Variants in NKAIN2 observed in about 807,000 individuals in gnomAD.
NKAIN2 encodes sodium/potassium-transporting ATPase subunit beta-1-interacting protein 2.
Under a neutral mutation model 32.6 loss-of-function variants are expected in NKAIN2, and 14 were observed. That is an observed-to-expected ratio of 0.43 (90% confidence interval 0.28 to 0.67). The LOEUF is 0.67. Among genes scored for constraint, NKAIN2 ranks in the 30% least tolerant of loss-of-function variants. The pLI, the probability that NKAIN2 is intolerant of heterozygous loss-of-function variation, is 0.17. For missense variants in NKAIN2, 198 were observed against 258.3 expected (o/e 0.77, Z 1.60); for synonymous variants, 80 against 87.2 (o/e 0.92, Z 0.46).
intron 1 of NKAIN2, among the ~76,000 whole-genome samples, chr6:124,051,349 A>G (rs1266106398): frequency 6.6e-6 from 1 of 152,088 alleles, no homozygotes; most frequent in Non-Finnish European, 1.5e-5. Flanking sequence ...TTCAGAAAGA[A>G]CAATTTTTTA....
At chr6:124,549,663 G>A (rs1482914632) in intron 3 of NKAIN2, among the ~76,000 whole-genome samples, 2 of 152,164 alleles carry the variant, frequency 1.3e-5, no homozygotes, top group East Asian at 3.9e-4. Context: ...ATCTGAGACA[G>A]GTTTTCAGTC....
chr6:124,822,070 A>T (rs1456366489), intron 6 of NKAIN2, among the ~76,000 whole-genome samples: 1 of 152,182 alleles, frequency 6.6e-6, no homozygotes, highest in African/African-American at 2.4e-5. Context: ...CCACATTTCC[A>T]TACATGGCTG....
rs149578504 is a variant in NKAIN2 at position 124,627,918 on chromosome 6, G to A, written c.274-30268G>A. 1.5e-3 allele frequency among the ~76,000 whole-genome samples: 229 copies of A among 152,072 alleles called. 1 individual carries two copies. Among genetic ancestry groups the A allele is most frequent in the African/African-American group, 5.3e-3 (218 of 41,490 alleles). On this transcript the variant is annotated intron_variant, in intron 3 of 6. Transcript: ENST00000368417. ...TTCACATACTCACATACACTCTCAT[G>A]TACACTCATCTGTTCACACACATTC...
chr6:123,895,184 G>A (rs1774215566), intron 1 of NKAIN2, among the ~76,000 whole-genome samples: 1 of 149,342 alleles, frequency 6.7e-6, no homozygotes. Flanking sequence ...GTCTCTCTCT[G>A]TCTCTCTCAC....
At chr6:124,406,286 C>G (rs143329159) in intron 3 of NKAIN2, among the ~76,000 whole-genome samples, 1 of 152,010 alleles carries the variant, frequency 6.6e-6, no homozygotes, top group Non-Finnish European at 1.5e-5. Context: ...TTATTTCTTT[C>G]TCTATAAACT....
At chr6:124,571,458 G>T (rs2086233) in intron 3 of NKAIN2, among the ~76,000 whole-genome samples, 1 of 152,112 alleles carries the variant, frequency 6.6e-6, no homozygotes, top group Non-Finnish European at 1.5e-5. Flanking sequence ...GAATCATGGC[G>T]GCCTGTCTGT....
At chr6:123,893,812 G>T (rs747356359) in intron 1 of NKAIN2, among the ~76,000 whole-genome samples, 4 of 152,172 alleles carry the variant, frequency 2.6e-5, no homozygotes, top group Non-Finnish European at 2.9e-5. Context: ...AAGATGTCTG[G>T]CAGGGATTAT....
intron 1 of NKAIN2, among the ~76,000 whole-genome samples, chr6:124,242,987 T>A (rs1018132044): frequency 6.6e-6 from 1 of 151,096 alleles, no homozygotes; most frequent in African/African-American, 2.4e-5. Flanking sequence ...TGTACACCTG[T>A]GTAACATACC....
intron 3 of NKAIN2, among the ~76,000 whole-genome samples, chr6:124,472,590 C>T (rs1332941786): frequency 6.6e-6 from 1 of 151,816 alleles, no homozygotes; most frequent in Admixed American, 6.6e-5. Flanking sequence ...CATGCAGACA[C>T]AGAATGGGTT....
chr6:124,221,570 A>G (rs958640394), intron 1 of NKAIN2, among the ~76,000 whole-genome samples: 7 of 152,056 alleles, frequency 4.6e-5, no homozygotes, highest in East Asian at 1.9e-4. Flanking sequence ...AAGAGAGAGA[A>G]AAAAAAGAAA....
At chr6:124,749,393 G>A (rs1301498242) in intron 4 of NKAIN2, among the ~76,000 whole-genome samples, 7 of 152,030 alleles carry the variant, frequency 4.6e-5, no homozygotes, top group South Asian at 4.1e-4. Flanking sequence ...CAGGTTCGCA[G>A]GTTATAGGGA....
chr6:123,835,866 A>T (rs1293796722), intron 1 of NKAIN2, among the ~76,000 whole-genome samples: 1 of 152,086 alleles, frequency 6.6e-6, no homozygotes, highest in African/African-American at 2.4e-5. Flanking sequence ...TGGACAGTAC[A>T]CTGTGGTTCC....
chr6:124,763,079 T>C (rs1778347016), intron 4 of NKAIN2, among the ~76,000 whole-genome samples: 1 of 152,178 alleles, frequency 6.6e-6, no homozygotes, highest in South Asian at 2.1e-4. Context: ...GTCTCACTTA[T>C]ACGCAGAATC....
chr6:123,969,672 A>G (rs1778250244), intron 1 of NKAIN2, among the ~76,000 whole-genome samples: 2 of 152,330 alleles, frequency 1.3e-5, no homozygotes, highest in South Asian at 4.1e-4. Context: ...GGAAAGCAAA[A>G]GCTTCAACAG....
At position 123,922,572 on chromosome 6, in the gene NKAIN2, G is replaced by A. The variant is rs118119447; in HGVS notation, c.54+118318G>A. ...TAGCATTTCCCTGTATATAGATTTT[G>A]GTCAGTTTTGGGGTGGGGAAAGGGC... On this transcript the variant is annotated intron_variant, in intron 1 of 6. Transcript: ENST00000368417. Among the ~76,000 whole-genome samples the A allele has an allele frequency of 6.6e-3, 998 of 152,082 alleles. 7 individuals are homozygous for A. The highest frequency in any genetic ancestry group is 0.01 in the Non-Finnish European group (684 of 67,986).
intron 1 of NKAIN2, among the ~76,000 whole-genome samples, chr6:123,973,192 G>A (rs1778416764): frequency 6.6e-6 from 1 of 152,078 alleles, no homozygotes; most frequent in Non-Finnish European, 1.5e-5. Flanking sequence ...AACCAGGAAA[G>A]TCTAATGTCA....
intron 1 of NKAIN2, among the ~76,000 whole-genome samples, chr6:124,258,843 G>A (rs948888562): frequency 6.6e-6 from 1 of 152,026 alleles, no homozygotes; most frequent in African/African-American, 2.4e-5. Context: ...AGTCATTAGG[G>A]GAAGTACTCT....
intron 4 of NKAIN2, among the ~76,000 whole-genome samples, chr6:124,726,406 C>T (rs1261166626): frequency 1.3e-5 from 2 of 152,200 alleles, no homozygotes; most frequent in Non-Finnish European, 2.9e-5. Context: ...GACCCATGAC[C>T]CCTGAGCAGC....
chr6:124,355,471 G>GT, intron 3 of NKAIN2, 124 bp downstream of exon 3: 1 of 626,926 alleles, frequency 1.6e-6, no homozygotes. Flanking sequence ...ATTGAAAGGT[G>GT]TCTTGATTTA....
Sources: gnomAD v4.1 joint callset for allele counts (sites outside exome capture counted in the v4.1 genomes callset) on GRCh38, gnomAD v4.1.1 for gene constraint, MANE v1.5 for transcripts, NCBI Gene and HGNC (gene_info 2026-07-23, HGNC 2026-07-21) for gene names.